LAMA1: variants seen among roughly 807,000 people sequenced by gnomAD.
LAMA1 encodes the protein laminin subunit alpha 1.
Under a neutral mutation model 348.7 loss-of-function variants are expected in LAMA1, and 219 were observed. That is an observed-to-expected ratio of 0.63 (90% CI 0.56 to 0.70). LAMA1 has a LOEUF of 0.70. Among genes scored for constraint, LAMA1 ranks in the 30% least tolerant of loss-of-function variants. The pLI, the probability that LAMA1 is intolerant of heterozygous loss-of-function variation, is 0.00. For synonymous variants in LAMA1, 1,487 were observed against 1,491.0 expected (o/e 1.00, Z 0.06); for missense variants, 3,744 against 3,888.0 (o/e 0.96, Z 0.99).
chr18:7,006,386 T>C (rs2144105563), intron 29 of LAMA1, among the ~76,000 whole-genome samples: 1 of 151,752 alleles, frequency 6.6e-6, no homozygotes, highest in East Asian at 1.9e-4. Flanking sequence ...TTTTAAAAAA[T>C]GCAAGGAGAG....
intron 32 of LAMA1, 138 bp from the exon 33 acceptor site, chr18:6,998,022 C>G (rs978397175): frequency 1.3e-6 from 1 of 776,552 alleles, no homozygotes; most frequent in Non-Finnish European, 2.2e-6. Context: ...TGCACCACAT[C>G]TGATCTCATT....
rs1348457944 is a variant in LAMA1 at position 7,010,188 on chromosome 18, T to TCC, written c.3873+10_3873+11dup. The TCC allele has an allele frequency of 1.9e-6, 3 of 1,613,586 alleles. No individual in the cohort carries two copies. Among genetic ancestry groups the TCC allele is most frequent in the Non-Finnish European group, 2.5e-6 (3 of 1,179,636 alleles). ...TCTTTAAGGAACTTCTATGAAAAGA[T>TCC]CCCATTATCACCTCTCTCATTGCTA... On this transcript the variant is annotated intron_variant, in intron 26 of 62. Transcript: ENST00000389658.
intron 1 of LAMA1, among the ~76,000 whole-genome samples, chr18:7,096,599 G>A (rs1016926080): frequency 7.2e-5 from 11 of 151,950 alleles, no homozygotes; most frequent in African/African-American, 2.4e-4. Flanking sequence ...AGGCTGCAAT[G>A]AGCCGTGATC....
In LAMA1 at chr18:7,011,350, G is replaced by T. The variant is rs749718703; in HGVS notation, c.3637C>A (p.Arg1213Ser). The T allele has an allele frequency of 1.2e-6, 2 of 1,612,458 alleles. No homozygotes were observed. Among genetic ancestry groups the T allele is most frequent in the Non-Finnish European group, 1.7e-6 (2 of 1,179,608 alleles). The part of the protein sequence containing the change: ...LDAATVRQHI[R>S]AEPFYWRLPQ... Reference sequence around the variant, plus strand: ...AGCCGCCAGTAAAACGGCTCTGCACGGATGTGCTGCCGGACGGTGGCGGCA... The same window carrying T: ...AGCCGCCAGTAAAACGGCTCTGCACTGATGTGCTGCCGGACGGTGGCGGCA... The change falls in exon 25 of 63, where the codon CGT (arginine) becomes AGT (serine). Residue 1213 changes from arginine to serine, a missense_variant. Arg to Ser is a moderately radical substitution (Grantham distance 110). Transcript: ENST00000389658.
intron 57 of LAMA1, among the ~76,000 whole-genome samples, chr18:6,951,649 C>T (rs1199609786): frequency 4.7e-5 from 4 of 85,282 alleles, no homozygotes; most frequent in East Asian, 9.1e-4. Flanking sequence ...AACTGAAGAA[C>T]AGGTCAGGGG....
intron 8 of LAMA1, 24 bp from the exon 9 acceptor site, chr18:7,042,274 A>G: frequency 7.2e-7 from 1 of 1,394,708 alleles, no homozygotes; most frequent in South Asian, 1.2e-5. Context: ...GTTGCCCTGG[A>G]TTCTCTTACT....
In LAMA1 at chr18:7,013,974, T is replaced by C. The variant is rs2057873483; in HGVS notation, c.3204A>G (p.Lys1068=). Residue 1068 remains lysine, a synonymous_variant, in exon 23 of 63, where the codon AAA becomes AAG. Transcript: ENST00000389658. ...VVTGHCQCKS[K]FGGRACDQCS... ...ACTGATCGCAGGCCCGGCCACCAAA[T>C]TTTGACTTGCACTGGCAATGGCCGG... The C allele has an allele frequency of 6.2e-7, 1 of 1,613,878 alleles. No individual in the cohort carries two copies. The highest frequency in any genetic ancestry group is 8.5e-7 in the Non-Finnish European group (1 of 1,179,904).
At position 6,950,880 on chromosome 18, in the gene LAMA1, G is replaced by C. The variant is rs1157842188; in HGVS notation, c.8299C>G (p.Gln2767Glu). 6.2e-7 allele frequency: 1 copy of C among 1,614,222 alleles called. No individual in the cohort carries two copies. Among genetic ancestry groups the C allele is most frequent in the Admixed American group, 1.7e-5 (1 of 60,028 alleles). The change falls in exon 58 of 63, where the codon CAG (glutamine) becomes GAG (glutamate). Residue 2767 changes from glutamine (Q) to glutamate (E), a missense_variant. By Grantham distance (29) the Gln-to-Glu change is conservative (BLOSUM62 2). Transcript: ENST00000389658. The part of the protein sequence containing the change: ...HQNQADYAVL[Q>E]LHGGRLHFMF... ...AAGTGGAGGCGGCCCCCGTGCAGCTGGAGCACAGCGTAGTCTGCTTGGTTC... is the reference window on the plus strand; with the variant it reads ...AAGTGGAGGCGGCCCCCGTGCAGCTCGAGCACAGCGTAGTCTGCTTGGTTC...
intron 1 of LAMA1, among the ~76,000 whole-genome samples, chr18:7,093,208 A>C (rs2058246694): frequency 6.6e-6 from 1 of 152,174 alleles, no homozygotes; most frequent in African/African-American, 2.4e-5. Context: ...CGAGGTCAGG[A>C]TATCAAGACC....
intron 29 of LAMA1, among the ~76,000 whole-genome samples, chr18:7,006,263 G>A (rs1437388147): frequency 1.3e-5 from 2 of 152,178 alleles, no homozygotes; most frequent in African/African-American, 2.4e-5. Flanking sequence ...AGTGGTCAGA[G>A]CTCTCCATGT....
chr18:6,947,654 G>A (rs949716103), intron 60 of LAMA1, among the ~76,000 whole-genome samples: 2 of 152,140 alleles, frequency 1.3e-5, no homozygotes, highest in South Asian at 2.1e-4. Flanking sequence ...ATCATCATCC[G>A]AGAATAGTCC....
Position 6,986,130 on chromosome 18 carries a change from G to C in LAMA1, c.5379+7C>G. On this transcript the variant is annotated splice_region_variant and intron_variant, in intron 37 of 62. Coordinates refer to ENST00000389658, the MANE Select transcript of LAMA1 (RefSeq NM_005559.4). ...TAATTGAGAAGGAGAGAGCAAGTGA[G>C]ACTCACACTGAATTCTCTCAGATTA... 1 of 1,614,022 alleles carries C rather than the reference G, an allele frequency of 6.2e-7. No homozygotes were observed. The highest frequency in any genetic ancestry group is 8.5e-7 in the Non-Finnish European group (1 of 1,179,878).
At chr18:7,089,366 C>T (rs2058230588) in intron 1 of LAMA1, among the ~76,000 whole-genome samples, 1 of 149,092 alleles carries the variant, frequency 6.7e-6, no homozygotes, top group South Asian at 2.2e-4. Context: ...GCAAAAAAAA[C>T]AAAACAAAAC....
chr18:7,067,167 T>C (rs1308395091), intron 3 of LAMA1, among the ~76,000 whole-genome samples: 1 of 150,996 alleles, frequency 6.6e-6, no homozygotes, highest in Non-Finnish European at 1.5e-5. Flanking sequence ...GTTTCAAATA[T>C]TGGACAGCAG....
At chr18:6,958,760 T>TA in intron 54 of LAMA1, 98 bp from the exon 55 acceptor site, 1 of 1,050,078 alleles carries the variant, frequency 9.5e-7, no homozygotes, top group Non-Finnish European at 1.4e-6. Flanking sequence ...CACTGAATAA[T>TA]AAAAGTTCCC....
At chr18:7,043,823 C>T (rs1183159884) in intron 7 of LAMA1, among the ~76,000 whole-genome samples, 1 of 152,050 alleles carries the variant, frequency 6.6e-6, no homozygotes, top group Non-Finnish European at 1.5e-5. Context: ...TTTCTAATTG[C>T]TAATATGGAA....
chr18:6,982,455 C>G (rs758157168), intron 41 of LAMA1, 42 bp downstream of exon 41: 2 of 1,526,576 alleles, frequency 1.3e-6, no homozygotes, highest in Non-Finnish European at 1.8e-6. Flanking sequence ...GAGACGCTCA[C>G]GCTCACTCTG....
chr18:6,943,738 G>T (rs557733516), intron 61 of LAMA1, among the ~76,000 whole-genome samples: 1 of 151,440 alleles, frequency 6.6e-6, no homozygotes, highest in Non-Finnish European at 1.5e-5. Flanking sequence ...AGCAACTCAG[G>T]AGGCTGAGGC....
chr18:6,946,453 CATA>C (rs1256452933), intron 61 of LAMA1, among the ~76,000 whole-genome samples: 2 of 152,036 alleles, frequency 1.3e-5, no homozygotes, highest in Non-Finnish European at 1.5e-5. Flanking sequence ...TAGAAAAATG[CATA>C]ATGTTTGTAA....
Sources: gnomAD v4.1 joint callset for allele counts (sites outside exome capture counted in the v4.1 genomes callset) on GRCh38, gnomAD v4.1.1 for gene constraint, MANE v1.5 for transcripts, NCBI Gene and HGNC (gene_info 2026-07-23, HGNC 2026-07-21) for gene names.